The following MLLT10 variants were observed in gnomAD, a reference collection of about 807,000 sequenced individuals.
MLLT10 encodes the protein MLLT10 histone lysine methyltransferase DOT1L cofactor.
In MLLT10, 30 loss-of-function variants were observed where a neutral mutation model predicts 129.1. The ratio of observed to expected loss-of-function variants is 0.23; its 90% CI spans 0.17 to 0.32. The LOEUF (loss-of-function observed/expected upper bound fraction) is 0.32, where lower values mean the gene tolerates loss of function less well. Ranked by LOEUF, MLLT10 falls within the 10% of genes least tolerant of loss-of-function variation. MLLT10 has a pLI of 1.00. For missense variants in MLLT10, 1,119 were observed against 1,268.3 expected, an observed-to-expected ratio of 0.88 and a Z score of 1.79; for synonymous variants, 490 against 446.4, an observed-to-expected ratio of 1.10 and a Z score of -1.23.
At chr10:21,675,874 A>G (rs1348977411) in intron 11 of MLLT10, among the ~76,000 whole-genome samples, 1 of 152,208 alleles carries the variant, frequency 6.6e-6, no homozygotes, top group Non-Finnish European at 1.5e-5. Flanking sequence ...ATATTGATTT[A>G]CATCCCTGAA....
At chr10:21,614,164 G>T (rs534534960) in intron 6 of MLLT10, among the ~76,000 whole-genome samples, 2 of 145,454 alleles carry the variant, frequency 1.4e-5, no homozygotes, top group East Asian at 4.0e-4. Context: ...GCTGCAGTGA[G>T]CTTTCATTGC....
At chr10:21,589,578 A>T (rs1481536113) in intron 4 of MLLT10, among the ~76,000 whole-genome samples, 1 of 152,120 alleles carries the variant, frequency 6.6e-6, no homozygotes, top group African/African-American at 2.4e-5. Flanking sequence ...AGTTAACATT[A>T]CTATGTGCTT....
chr10:21,675,810 G>T (rs1317748628), intron 11 of MLLT10, among the ~76,000 whole-genome samples: 2 of 152,110 alleles, frequency 1.3e-5, no homozygotes, highest in Non-Finnish European at 2.9e-5. Context: ...CTGAATTTCA[G>T]AAATTACATT....
At chr10:21,601,704 A>G (rs1282823250) in intron 5 of MLLT10, among the ~76,000 whole-genome samples, 1 of 152,016 alleles carries the variant, frequency 6.6e-6, no homozygotes, top group Non-Finnish European at 1.5e-5. Flanking sequence ...TTTTAAAAAT[A>G]TTGGTAGAAT....
chr10:21,558,424 C>T (rs1214777882), intron 3 of MLLT10, among the ~76,000 whole-genome samples: 1 of 151,968 alleles, frequency 6.6e-6, no homozygotes, highest in Non-Finnish European at 1.5e-5. Context: ...CCACTCTACT[C>T]CAGCCTGGGT....
At position 21,673,375 on chromosome 10, in the gene MLLT10, T is replaced by G. The variant is rs780716169; in HGVS notation, c.1077T>G (p.Ser359Arg). 10 of 1,374,456 alleles carry G rather than the reference T, an allele frequency of 7.3e-6. No individual in the cohort carries two copies. The Admixed American group carries it at 2.4e-4, about 33-fold the overall frequency. The allele number at this position is 1,374,456 out of a possible 1,614,324, so 85.1% of individuals were successfully genotyped here. The change falls in exon 11 of 23, where the codon AGT (serine) becomes AGG (arginine). Residue 359 changes from serine to arginine, a missense_variant. Ser to Arg is a moderately radical substitution (Grantham distance 110). Transcript: ENST00000307729. The stretch of plus-strand genomic sequence containing the variant: ...GCAGTTTTTCAGGAACTCCAGGCAG[T>G]GTAAAGTCATCTTCTGGAAGTTCAG... ...PQGSFSGTPG[S>R]VKSSSGSSVQ...
intron 8 of MLLT10, among the ~76,000 whole-genome samples, chr10:21,618,236 T>C (rs2045457360): frequency 6.6e-6 from 1 of 152,000 alleles, no homozygotes; most frequent in Admixed American, 6.6e-5. Context: ...GGGCTGGGCG[T>C]GGTGGCTCAA....
At chr10:21,704,020 T>TTG (rs1554856120) in intron 13 of MLLT10, among the ~76,000 whole-genome samples, 12 of 127,714 alleles carry the variant, frequency 9.4e-5, no homozygotes, top group Admixed American at 4.6e-4. Context: ...TTTTTTGTTT[T>TTG]TTTTTTTTTT....
At chr10:21,659,151 T>G (rs2049914014) in intron 9 of MLLT10, among the ~76,000 whole-genome samples, 1 of 150,154 alleles carries the variant, frequency 6.7e-6, no homozygotes, top group Admixed American at 6.6e-5. Context: ...CTCTGTGGCT[T>G]ATATTTTCAT....
intron 4 of MLLT10, among the ~76,000 whole-genome samples, chr10:21,593,864 T>C (rs997573318): frequency 2.4e-4 from 33 of 139,226 alleles, no homozygotes; most frequent in Non-Finnish European, 3.4e-4. Context: ...AGGAGGAAGT[T>C]GTAGTGAGCC....
chr10:21,540,753 T>C (rs2035006132), intron 3 of MLLT10, among the ~76,000 whole-genome samples: 1 of 152,190 alleles, frequency 6.6e-6, no homozygotes, highest in African/African-American at 2.4e-5. Context: ...TTCCTTTCCC[T>C]TGGTGTTGAT....
intron 13 of MLLT10, among the ~76,000 whole-genome samples, chr10:21,699,914 A>G (rs781058332): frequency 1.3e-5 from 2 of 152,114 alleles, no homozygotes; most frequent in East Asian, 3.8e-4. Flanking sequence ...TCTATGAAAA[A>G]TGATGTTATT....
intron 14 of MLLT10, among the ~76,000 whole-genome samples, chr10:21,717,665 T>C (rs866551895): frequency 0.011 from 442 of 39,292 alleles, 2 homozygotes; most frequent in Middle Eastern, 0.05. Flanking sequence ...CCTCCTCCTC[T>C]TCCTCCTCCT....
chr10:21,633,265 G>C (rs2047164004), intron 8 of MLLT10, among the ~76,000 whole-genome samples: 1 of 152,200 alleles, frequency 6.6e-6, no homozygotes, highest in Non-Finnish European at 1.5e-5. Context: ...TGGTTGTTTA[G>C]ACAGAAAACA....
At chr10:21,580,844 G>T (rs2041349573) in intron 3 of MLLT10, among the ~76,000 whole-genome samples, 1 of 144,350 alleles carries the variant, frequency 6.9e-6, no homozygotes. Flanking sequence ...TGGGATTACA[G>T]GTGCACACCA....
intron 3 of MLLT10, 76 bp downstream of exon 3, chr10:21,538,988 T>G (rs2034593665): frequency 1.0e-6 from 1 of 1,002,720 alleles, no homozygotes; most frequent in African/African-American, 1.6e-5. Context: ...CTGTTGTGGT[T>G]TGTGGGGTTG....
intron 13 of MLLT10, among the ~76,000 whole-genome samples, chr10:21,695,007 C>T (rs541291485): frequency 6.6e-5 from 10 of 151,314 alleles, no homozygotes; most frequent in African/African-American, 2.2e-4. Flanking sequence ...ACTTCGCCTT[C>T]TGCCGCATCT....
chr10:21,555,760 C>T (rs947345490), intron 3 of MLLT10, among the ~76,000 whole-genome samples: 14 of 151,166 alleles, frequency 9.3e-5, no homozygotes, highest in Non-Finnish European at 1.6e-4. Context: ...CTCTGCCTCC[C>T]GGGTTCAAGT....
intron 12 of MLLT10, among the ~76,000 whole-genome samples, chr10:21,681,584 AATT>A (rs1431485889): frequency 2.0e-5 from 3 of 152,148 alleles, no homozygotes; most frequent in Non-Finnish European, 2.9e-5. Flanking sequence ...TACAAATTTT[AATT>A]ATTGTTGGTC....
Sources: gnomAD v4.1 joint callset for allele counts (sites outside exome capture counted in the v4.1 genomes callset) on GRCh38, gnomAD v4.1.1 for gene constraint, MANE v1.5 for transcripts, NCBI Gene and HGNC (gene_info 2026-07-23, HGNC 2026-07-21) for gene names.